LAPTM4A: variants seen among roughly 807,000 people sequenced by gnomAD.
LAPTM4A encodes the protein lysosomal protein transmembrane 4 alpha.
A neutral mutation model predicts 29.9 loss-of-function variants in LAPTM4A; 19 were observed. The observed-to-expected ratio is 0.64, with a 90% confidence interval of 0.44 to 0.93. The LOEUF (loss-of-function observed/expected upper bound fraction) is 0.93, where lower values mean the gene tolerates loss of function less well. Among genes scored for constraint, LAPTM4A ranks in the 40% least tolerant of loss-of-function variants. LAPTM4A has a pLI of 0.00. For synonymous variants in LAPTM4A, 105 were observed against 102.1 expected, an observed-to-expected ratio of 1.03 and a Z score of -0.17; for missense variants, 293 against 288.5, an observed-to-expected ratio of 1.02 and a Z score of -0.11.
rs371370646 is a variant in LAPTM4A at position 20,034,362 on chromosome 2, G to T, written c.582C>A (p.Asn194Lys). The T allele has an allele frequency of 2.5e-6, 4 of 1,613,940 alleles. No individual in the cohort carries two copies. The East Asian group carries it at 8.9e-5, about 36-fold the overall frequency. Reference sequence around the variant, plus strand: ...CAGGGTACACAGCAATCTCCGGCACGTTTCGGTTGTTGATGTATTTATAGC... The same window carrying T: ...CAGGGTACACAGCAATCTCCGGCACTTTTCGGTTGTTGATGTATTTATAGC... ...WNCYKYINNR[N>K]VPEIAVYPAF... Residue 194 changes from asparagine (N) to lysine (K), a missense_variant, in exon 6 of 7, where the codon AAC becomes AAA. Coordinates refer to ENST00000175091, the MANE Select transcript of LAPTM4A (RefSeq NM_014713.5).
At chr2:20,034,628 A>G (rs1453634615) in intron 5 of LAPTM4A, among the ~76,000 whole-genome samples, 1 of 152,226 alleles carries the variant, frequency 6.6e-6, no homozygotes, top group East Asian at 1.9e-4. Flanking sequence ...GAAACCAGAG[A>G]TGGAGCTTCA....
chr2:20,037,747 AG>A, intron 2 of LAPTM4A, 133 bp from the exon 3 acceptor site: 8 of 468,878 alleles, frequency 1.7e-5, no homozygotes, highest in East Asian at 3.3e-5. Flanking sequence ...TAAGGCCAAG[AG>A]GGTAAAAAAA....
chr2:20,037,616 T>C lies in LAPTM4A; in HGVS notation c.233-2A>G, dbSNP rs1219439068. On this transcript the variant is annotated splice_acceptor_variant, in intron 2 of 6. Transcript: ENST00000175091. LOFTEE classifies it high-confidence loss of function. ...CGGCAAAAAGAACACAGGCATTATCTAAGAAAACAAAAACAAAAATCTAAT... is the reference window on the plus strand; with the variant it reads ...CGGCAAAAAGAACACAGGCATTATCCAAGAAAACAAAAACAAAAATCTAAT... The C allele has an allele frequency of 3.8e-6, 6 of 1,590,348 alleles. No individual in the cohort carries two copies. Among genetic ancestry groups the C allele is most frequent in the Non-Finnish European group, 5.1e-6 (6 of 1,168,978 alleles).
chr2:20,040,758 T>C, intron 2 of LAPTM4A, 133 bp downstream of exon 2: 1 of 851,458 alleles, frequency 1.2e-6, no homozygotes, highest in Non-Finnish European at 1.8e-6. Context: ...TTTGTGTAAG[T>C]ACACCCTATG....
chr2:20,041,930 C>T (rs2103498163), intron 1 of LAPTM4A, among the ~76,000 whole-genome samples: 1 of 152,324 alleles, frequency 6.6e-6, no homozygotes, highest in Admixed American at 6.5e-5. Flanking sequence ...CTAGAATAGA[C>T]ATGCAGATCT....
chr2:20,040,987 A>G lies in LAPTM4A; in HGVS notation c.136T>C (p.Leu46=), dbSNP rs780651805. The change falls in exon 2 of 7, where the codon TTG becomes CTG. Residue 46 remains leucine, a synonymous_variant. Coordinates refer to ENST00000175091, the MANE Select transcript of LAPTM4A (RefSeq NM_014713.5). Reference sequence around the variant, plus strand: ...GGATGAGTCACTTCCACAGTCAGCAAAATTGCCATCAATAGGTTTACTACC... The same window carrying G: ...GGATGAGTCACTTCCACAGTCAGCAGAATTGCCATCAATAGGTTTACTACC... ...YMVVNLLMAI[L]LTVEVTHPNS... is the part of the protein sequence containing the mutation. 2 of 1,613,948 alleles carry G rather than the reference A, an allele frequency of 1.2e-6. No homozygotes were observed. The highest frequency in any genetic ancestry group is 2.2e-5 in the South Asian group (2 of 91,074).
intron 4 of LAPTM4A, among the ~76,000 whole-genome samples, chr2:20,035,490 A>G (rs1673660465): frequency 6.6e-6 from 1 of 152,212 alleles, no homozygotes; most frequent in Non-Finnish European, 1.5e-5. Context: ...TTATTTTTCT[A>G]AATGTCAATC....
intron 2 of LAPTM4A, among the ~76,000 whole-genome samples, chr2:20,040,681 T>C (rs1673774956): frequency 6.6e-6 from 1 of 152,250 alleles, no homozygotes; most frequent in African/African-American, 2.4e-5. Context: ...AGTAACCTGC[T>C]GTACAGGTTT....
intron 1 of LAPTM4A, among the ~76,000 whole-genome samples, chr2:20,046,852 G>A (rs1333906779): frequency 2.1e-5 from 3 of 142,298 alleles, no homozygotes; most frequent in African/African-American, 7.6e-5. Context: ...GGCTGGTCTC[G>A]AACTCCTGGG....
At chr2:20,039,183 A>G (rs557303845) in intron 2 of LAPTM4A, among the ~76,000 whole-genome samples, 1 of 152,268 alleles carries the variant, frequency 6.6e-6, no homozygotes, top group East Asian at 1.9e-4. Flanking sequence ...TCCCAAAGTG[A>G]TGGGATTACA....
At chr2:20,045,681 G>T (rs905570011) in intron 1 of LAPTM4A, among the ~76,000 whole-genome samples, 5 of 152,134 alleles carry the variant, frequency 3.3e-5, no homozygotes, top group Non-Finnish European at 7.4e-5. Flanking sequence ...TGTTAGATTT[G>T]ACTTGTTACA....
chr2:20,036,930 A>C (rs1274143010), intron 4 of LAPTM4A, among the ~76,000 whole-genome samples: 1 of 152,240 alleles, frequency 6.6e-6, no homozygotes. Context: ...AACAGTGCCT[A>C]GCAAAGGGCT....
At chr2:20,048,086 G>A (rs1673974269) in intron 1 of LAPTM4A, among the ~76,000 whole-genome samples, 1 of 152,174 alleles carries the variant, frequency 6.6e-6, no homozygotes, top group South Asian at 2.1e-4. Flanking sequence ...TTATGGTTGA[G>A]ACACTCATGA....
At chr2:20,034,089 T>C (rs1673631304) in intron 6 of LAPTM4A, among the ~76,000 whole-genome samples, 1 of 152,212 alleles carries the variant, frequency 6.6e-6, no homozygotes. Flanking sequence ...TGAGGACCTC[T>C]AATGAGTAAA....
At chr2:20,038,364 C>A (rs576611334) in intron 2 of LAPTM4A, among the ~76,000 whole-genome samples, 1 of 152,296 alleles carries the variant, frequency 6.6e-6, no homozygotes, top group Admixed American at 6.5e-5. Flanking sequence ...CAATTCTAAA[C>A]CGTGCCTGAC....
intron 4 of LAPTM4A, among the ~76,000 whole-genome samples, chr2:20,035,464 T>C (rs1332268753): frequency 3.9e-5 from 6 of 152,224 alleles, no homozygotes; most frequent in African/African-American, 7.2e-5. Flanking sequence ...GCCATTTTAA[T>C]GCTACAAGGG....
At chr2:20,038,122 C>T (rs186478569) in intron 2 of LAPTM4A, among the ~76,000 whole-genome samples, 158 of 152,290 alleles carry the variant, frequency 1.0e-3, no homozygotes, top group Non-Finnish European at 1.9e-3. Context: ...CAGAATGCTA[C>T]ATACATTACC....
At chr2:20,049,785 CTTAG>C (rs1674012178) in intron 1 of LAPTM4A, among the ~76,000 whole-genome samples, 2 of 152,112 alleles carry the variant, frequency 1.3e-5, no homozygotes, top group Admixed American at 6.6e-5. Context: ...GATGGATTCT[CTTAG>C]TTAAATAGGA....
At position 20,033,231 on chromosome 2, in the gene LAPTM4A, GTTCT is replaced by G. The variant is rs771083125; in HGVS notation, c.672_675del (p.Lys224AsnfsTer80). On this transcript the variant is annotated frameshift_variant, in exon 7 of 7. Coordinates refer to ENST00000175091, the MANE Select transcript of LAPTM4A (RefSeq NM_014713.5). LOFTEE classifies it high-confidence loss of function. ...CAGGCAGGTAAGTAAGGAGGTGGTG[GTTCT>G]TTTTCAGGCATTTTCACGGCCATTT... 10 of 1,613,944 alleles carry G rather than the reference GTTCT, an allele frequency of 6.2e-6. No individual in the cohort carries two copies. In the African/African-American group the frequency reaches 1.3e-4, roughly 22 times the overall value.
Sources: gnomAD v4.1 joint callset for allele counts (sites outside exome capture counted in the v4.1 genomes callset) on GRCh38, gnomAD v4.1.1 for gene constraint, MANE v1.5 for transcripts, NCBI Gene and HGNC (gene_info 2026-07-23, HGNC 2026-07-21) for gene names.